Variants in TTLL5 observed in about 807,000 individuals in gnomAD.
TTLL5 encodes the protein tubulin tyrosine ligase like 5, also known as tubulin polyglutamylase TTLL5.
In TTLL5, 132 loss-of-function variants were observed where a neutral mutation model predicts 168.4. The observed-to-expected ratio is 0.78, with a 90% CI of 0.68 to 0.91. The LOEUF is 0.91. Among genes scored for constraint, TTLL5 ranks in the 40% least tolerant of loss-of-function variants. The pLI, the probability that TTLL5 is intolerant of heterozygous loss-of-function variation, is 0.00. For synonymous variants in TTLL5, 546 were observed against 558.6 expected (o/e 0.98, Z 0.32); for missense variants, 1,545 against 1,581.5 (o/e 0.98, Z 0.39).
chr14:75,926,213 C>T lies in TTLL5; in HGVS notation c.3823+23989C>T, dbSNP rs143373844. On this transcript the variant is annotated intron_variant, in intron 31 of 31. Coordinates refer to ENST00000298832, the MANE Select transcript of TTLL5 (RefSeq NM_015072.5). ...TTCCATTTGCCTGGTAGATCTTCGT[C>T]CATCCCTTTGTTTTGAGCCTATGTG... Among the ~76,000 whole-genome samples, 683 of 102,438 alleles carry T rather than the reference C, an allele frequency of 6.7e-3. 18 individuals are homozygous for T. In the East Asian group the frequency reaches 0.072, roughly 11 times the overall value. 67.2% of individuals were successfully genotyped at this position (102,438 alleles called of 152,430 possible).
chr14:75,727,745 A>T, intron 12 of TTLL5: 1 of 412,058 alleles, frequency 2.4e-6, no homozygotes, highest in Non-Finnish European at 4.9e-6. Context: ...ATGGTAGATG[A>T]AAGAAACCAG....
intron 18 of TTLL5, among the ~76,000 whole-genome samples, chr14:75,754,099 AC>A (rs1201787559): frequency 6.6e-6 from 1 of 152,172 alleles, no homozygotes; most frequent in African/African-American, 2.4e-5. Flanking sequence ...GTCTTCCAAA[AC>A]TAAATTAATC....
rs987820302 is a variant in TTLL5 at position 75,847,107 on chromosome 14, T to A, written c.3327-16560T>A. ...ACCTCTGCTTCCCGGGTTCAATTGA[T>A]TCTCCTGCCTCAACCTCCCAAGTAG... On this transcript the variant is annotated intron_variant, in intron 28 of 31. Coordinates refer to ENST00000298832, the MANE Select transcript of TTLL5 (RefSeq NM_015072.5). Among the ~76,000 whole-genome samples, 92 of 152,006 alleles carry A rather than the reference T, an allele frequency of 6.1e-4. 2 individuals carry two copies. Among genetic ancestry groups the A allele is most frequent in the African/African-American group, 2.2e-3 (89 of 41,274 alleles).
At chr14:75,924,209 T>C (rs1035601294) in intron 31 of TTLL5, among the ~76,000 whole-genome samples, 8 of 151,992 alleles carry the variant, frequency 5.3e-5, no homozygotes, top group African/African-American at 1.9e-4. Flanking sequence ...TTGGGGCATT[T>C]AGCCCATTTA....
At chr14:75,930,717 A>G in intron 31 of TTLL5, 1 of 865,360 alleles carries the variant, frequency 1.2e-6, no homozygotes. Context: ...GAGAGAAAGA[A>G]GCGATTTCAC....
chr14:75,800,947 G>A (rs984147918), intron 27 of TTLL5, among the ~76,000 whole-genome samples: 1 of 152,108 alleles, frequency 6.6e-6, no homozygotes, highest in Non-Finnish European at 1.5e-5. Context: ...TTTCTTGAGC[G>A]CTGGTTGTGC....
At chr14:75,762,200 C>T (rs563563289) in intron 18 of TTLL5, among the ~76,000 whole-genome samples, 13 of 152,146 alleles carry the variant, frequency 8.5e-5, no homozygotes, top group African/African-American at 3.1e-4. Flanking sequence ...TTGAGACCAT[C>T]CTGGCTAATA....
rs192921121 is a variant in TTLL5, at chr14:75,746,922, C to G, written c.1487+1341C>G. Among the ~76,000 whole-genome samples the G allele has an allele frequency of 2.4e-3, 366 of 152,200 alleles. 1 individual carries two copies. The highest frequency in any genetic ancestry group is 8.3e-3 in the African/African-American group (345 of 41,532). On this transcript the variant is annotated intron_variant, in intron 17 of 31. Coordinates refer to ENST00000298832, the MANE Select transcript of TTLL5 (RefSeq NM_015072.5). Reference sequence around the variant, plus strand: ...CCTTGGTGTCATTTTCTTCATGTTTCTTGTGCTCGGGATTCATTGAGCTTC... The same window carrying G: ...CCTTGGTGTCATTTTCTTCATGTTTGTTGTGCTCGGGATTCATTGAGCTTC...
chr14:75,931,768 A>G (rs2034284445), intron 31 of TTLL5, among the ~76,000 whole-genome samples: 1 of 152,192 alleles, frequency 6.6e-6, no homozygotes, highest in South Asian at 2.1e-4. Flanking sequence ...AGTACTTGCC[A>G]TGCTATCCCA....
chr14:75,701,539 C>G (rs1235612361), intron 7 of TTLL5, among the ~76,000 whole-genome samples: 2 of 152,230 alleles, frequency 1.3e-5, no homozygotes, highest in Non-Finnish European at 2.9e-5. Flanking sequence ...AAGCACTCCC[C>G]TTCCACCTTG....
rs1355074773 is a variant in TTLL5 at position 75,779,643 on chromosome 14, G to A, written c.2456G>A (p.Gly819Glu). 6.2e-7 allele frequency: 1 copy of A among 1,613,446 alleles called. No homozygotes were observed. Among genetic ancestry groups the A allele is most frequent in the African/African-American group, 1.3e-5 (1 of 74,854 alleles). ...QKNKSASVFL[G>E]THSKISKNNN... Reference sequence around the variant, plus strand: ...AACAAGTCTGCTAGTGTCTTCCTGGGGACTCACTCTAAAATTTCTAAGAAC... The same window carrying A: ...AACAAGTCTGCTAGTGTCTTCCTGGAGACTCACTCTAAAATTTCTAAGAAC... The change falls in exon 24 of 32, where the codon GGG becomes GAG. Residue 819 changes from glycine to glutamate, a missense_variant. Physicochemically the swap from Gly to Glu is moderately conservative, Grantham distance 98. Transcript: ENST00000298832.
At chr14:75,688,421 C>T (rs543798394) in intron 5 of TTLL5, among the ~76,000 whole-genome samples, 32 of 152,312 alleles carry the variant, frequency 2.1e-4, no homozygotes, top group Admixed American at 4.6e-4. Flanking sequence ...TCTCATACCT[C>T]GCCCTGTGCA....
At chr14:75,924,336 G>T in intron 31 of TTLL5, among the ~76,000 whole-genome samples, 1 of 151,536 alleles carries the variant, frequency 6.6e-6, no homozygotes, top group Non-Finnish European at 1.5e-5. Context: ...CGCAGAGGGG[G>T]AGTTGGCAGG....
At chr14:75,678,410 G>A (rs1456425229) in intron 3 of TTLL5, among the ~76,000 whole-genome samples, 1 of 152,112 alleles carries the variant, frequency 6.6e-6, no homozygotes, top group Non-Finnish European at 1.5e-5. Flanking sequence ...TGTGTCACTG[G>A]CAAAATACTG....
chr14:75,933,173 T>C (rs2034329026), intron 31 of TTLL5, among the ~76,000 whole-genome samples: 1 of 152,152 alleles, frequency 6.6e-6, no homozygotes, highest in Non-Finnish European at 1.5e-5. Flanking sequence ...ACAATAAATA[T>C]TTGGCTCGGC....
At chr14:75,895,385 A>G (rs2032604502) in intron 30 of TTLL5, among the ~76,000 whole-genome samples, 1 of 152,240 alleles carries the variant, frequency 6.6e-6, no homozygotes, top group Admixed American at 6.5e-5. Context: ...GTATTCGAGT[A>G]TATGTGGAAT....
intron 28 of TTLL5, among the ~76,000 whole-genome samples, chr14:75,825,913 C>T (rs1317060702): frequency 6.6e-6 from 1 of 152,052 alleles, no homozygotes; most frequent in Non-Finnish European, 1.5e-5. Flanking sequence ...AAGAGTTATA[C>T]GCTGCATCAG....
At chr14:75,869,330 T>C (rs887063818) in intron 29 of TTLL5, among the ~76,000 whole-genome samples, 5 of 152,158 alleles carry the variant, frequency 3.3e-5, no homozygotes, top group African/African-American at 1.2e-4. Context: ...GTTTTGGAAA[T>C]AGGCCACTCT....
At chr14:75,858,554 T>C (rs1231721066) in intron 28 of TTLL5, among the ~76,000 whole-genome samples, 1 of 152,206 alleles carries the variant, frequency 6.6e-6, no homozygotes. Context: ...ATAGACAAAC[T>C]AGGGTTATTT....
Sources: allele counts gnomAD v4.1 joint callset (sites outside exome capture counted in the v4.1 genomes callset), GRCh38; gene constraint gnomAD v4.1.1; transcripts MANE v1.5; gene names NCBI Gene and HGNC (gene_info 2026-07-23, HGNC 2026-07-21).